Variants in OTUD7A observed in about 807,000 individuals in gnomAD.
The protein encoded by OTUD7A is OTU deubiquitinase 7A, also known as OTU domain-containing protein 7A.
In OTUD7A, 12 loss-of-function variants were observed where a neutral mutation model predicts 65.7. That is an observed-to-expected ratio of 0.18 (90% CI 0.12 to 0.30). The LOEUF is 0.30. Among genes scored for constraint, OTUD7A ranks in the 10% least tolerant of loss-of-function variants. OTUD7A has a pLI of 1.00. For missense variants in OTUD7A, 1,148 were observed against 1,304.8 expected (o/e 0.88, Z 1.85); for synonymous variants, 641 against 586.3 (o/e 1.09, Z -1.35).
intron 3 of OTUD7A, among the ~76,000 whole-genome samples, chr15:31,584,295 G>A (rs926215482): frequency 1.3e-5 from 2 of 152,338 alleles, no homozygotes; most frequent in African/African-American, 4.8e-5. Flanking sequence ...TTAATTGAAA[G>A]CCTTGCTAGA....
chr15:31,485,528 G>A (rs540732951), intron 12 of OTUD7A, among the ~76,000 whole-genome samples: 1 of 152,188 alleles, frequency 6.6e-6, no homozygotes, highest in Non-Finnish European at 1.5e-5. Context: ...CACTGATGAG[G>A]TCAACCAGTC....
chr15:31,694,189 C>G (rs1043767285), intron 1 of OTUD7A, among the ~76,000 whole-genome samples: 4 of 152,110 alleles, frequency 2.6e-5, no homozygotes, highest in Non-Finnish European at 5.9e-5. Flanking sequence ...GTGGAGGGGG[C>G]CCACGCAGCG....
At position 31,481,411 on chromosome 15, in the gene OTUD7A, C is replaced by T. The variant is rs1214269160; in HGVS notation, c.*1883G>A. On this transcript the variant is annotated 3_prime_UTR_variant, in exon 13 of 13. Coordinates refer to ENST00000307050, the MANE Select transcript of OTUD7A (RefSeq NM_001382637.1). ...ACGAAGAATCAGTCCAGAAAGCTGC[C>T]ACAGACCCTCTCCATGAGATTTTTA... The T allele has an allele frequency of 6.6e-6, 1 of 152,188 alleles. No homozygotes were observed. The highest frequency in any genetic ancestry group is 2.4e-5 in the African/African-American group (1 of 41,430). 9.4% of individuals were successfully genotyped at this position (152,188 alleles called of 1,614,324 possible). A position where few individuals can be genotyped will look rare whatever the true frequency, so the allele number is the denominator to read the frequency against.
chr15:31,838,804 C>T (rs1223487045), intron 1 of OTUD7A, among the ~76,000 whole-genome samples: 1 of 152,068 alleles, frequency 6.6e-6, no homozygotes, highest in Non-Finnish European at 1.5e-5. Context: ...ATTTTGAAGG[C>T]CCCCTACTAG....
At chr15:31,739,842 G>C (rs12910216) in intron 1 of OTUD7A, among the ~76,000 whole-genome samples, 30,687 of 152,162 alleles carry the variant, frequency 0.2, 3,522 homozygotes, top group Admixed American at 0.28. Context: ...AAAGTGCTGG[G>C]ATTAAAGGCT....
chr15:31,740,288 C>T (rs1192166312), intron 1 of OTUD7A, among the ~76,000 whole-genome samples: 3 of 152,254 alleles, frequency 2.0e-5, no homozygotes, highest in South Asian at 2.1e-4. Context: ...TGAGGCCTCT[C>T]GGGTTGCCGG....
intron 10 of OTUD7A, among the ~76,000 whole-genome samples, chr15:31,491,390 A>T (rs1444380967): frequency 3.9e-5 from 6 of 152,328 alleles, no homozygotes; most frequent in Non-Finnish European, 5.9e-5. Context: ...GGGGCTGGTC[A>T]GTTGACTTGA....
rs1398596543 is a variant in OTUD7A at position 31,498,709 on chromosome 15, C to T, written c.1171+2981G>A. 6.6e-6 allele frequency among the ~76,000 whole-genome samples: 1 copy of T among 152,188 alleles called. No individual in the cohort carries two copies. Among genetic ancestry groups the T allele is most frequent in the Non-Finnish European group, 1.5e-5 (1 of 68,040 alleles). ...TGCAAAAAGCTGAAGGCCCAAGGCT[C>T]AGGTTGTCAGGGAGCAAATGACTAA... is the stretch of plus-strand genomic sequence containing the variant. On this transcript the variant is annotated intron_variant, in intron 10 of 12. Transcript: ENST00000307050. The surrounding 1 kb of genome is among the most constrained non-coding windows in gnomAD (Gnocchi z 4.2).
intron 5 of OTUD7A, among the ~76,000 whole-genome samples, chr15:31,538,819 G>GATCAAGCT (rs1887891426): frequency 2.0e-5 from 3 of 151,994 alleles, no homozygotes. Flanking sequence ...AACGAGTAAA[G>GATCAAGCT]ATCAAGCTGA....
At chr15:31,868,938 T>C in intron 1 of OTUD7A, among the ~76,000 whole-genome samples, 1 of 152,230 alleles carries the variant, frequency 6.6e-6, no homozygotes, top group Non-Finnish European at 1.5e-5. Flanking sequence ...ATTAAATTCC[T>C]TACAGATCCA....
At chr15:31,574,994 C>T (rs1429000606) in intron 3 of OTUD7A, among the ~76,000 whole-genome samples, 1 of 152,194 alleles carries the variant, frequency 6.6e-6, no homozygotes, top group Non-Finnish European at 1.5e-5. Flanking sequence ...CCCAATCCTT[C>T]CCATGGAAAC....
rs558736642 is a variant in OTUD7A at position 31,764,421 on chromosome 15, A to G, written c.-100+106086T>C. On this transcript the variant is annotated intron_variant, in intron 1 of 12. Coordinates refer to ENST00000307050, the MANE Select transcript of OTUD7A (RefSeq NM_001382637.1). ...AATAGTCATTAAACATTAAGATTTT[A>G]TTACAACCCAGGCATTATATATTTC... is the stretch of plus-strand genomic sequence containing the variant. 2.8e-4 allele frequency among the ~76,000 whole-genome samples: 43 copies of G among 152,290 alleles called. No homozygotes were observed. In the South Asian group the frequency reaches 8.7e-3, roughly 31 times the overall value.
intron 1 of OTUD7A, among the ~76,000 whole-genome samples, chr15:31,738,819 G>A (rs956787429): frequency 6.6e-6 from 1 of 152,196 alleles, no homozygotes; most frequent in Non-Finnish European, 1.5e-5. Flanking sequence ...CAGCCTTCCT[G>A]ATTTTAAGAT....
chr15:31,496,065 CAA>C (rs34962324), intron 10 of OTUD7A, among the ~76,000 whole-genome samples: 90 of 88,260 alleles, frequency 1.0e-3, no homozygotes, highest in East Asian at 1.2e-3. Flanking sequence ...AACCCCATCT[CAA>C]AAAAAAAAAA....
chr15:31,562,825 G>C (rs1315396493), intron 4 of OTUD7A, among the ~76,000 whole-genome samples: 1 of 152,120 alleles, frequency 6.6e-6, no homozygotes, highest in Admixed American at 6.5e-5. Flanking sequence ...AGTGAGCGTG[G>C]GGGTGTTCCA....
chr15:31,709,840 TAC>T (rs1039490210), intron 1 of OTUD7A, among the ~76,000 whole-genome samples: 2 of 152,166 alleles, frequency 1.3e-5, no homozygotes, highest in Non-Finnish European at 2.9e-5. Flanking sequence ...ACATACATTA[TAC>T]ACACACACAA....
At chr15:31,776,729 C>T (rs562744037) in intron 1 of OTUD7A, among the ~76,000 whole-genome samples, 2 of 152,104 alleles carry the variant, frequency 1.3e-5, no homozygotes, top group African/African-American at 4.8e-5. Flanking sequence ...CTGAAGGAAC[C>T]GGGGGTCCTT....
intron 1 of OTUD7A, among the ~76,000 whole-genome samples, chr15:31,691,610 A>G (rs186084580): frequency 0.01 from 1,477 of 141,334 alleles, no homozygotes; most frequent in African/African-American, 0.037. Flanking sequence ...AGGCTTAAAT[A>G]TAAGACCTAA....
chr15:31,651,764 C>T (rs566303441), intron 3 of OTUD7A, among the ~76,000 whole-genome samples: 6 of 152,158 alleles, frequency 3.9e-5, no homozygotes, highest in East Asian at 1.9e-4. Context: ...TTTACAACCC[C>T]GCCCCCCAAT....
Sources: allele counts gnomAD v4.1 joint callset (sites outside exome capture counted in the v4.1 genomes callset), GRCh38; gene constraint gnomAD v4.1.1; non-coding constraint Gnocchi (gnomAD v3.1); transcripts MANE v1.5; gene names NCBI Gene and HGNC (gene_info 2026-07-23, HGNC 2026-07-21).